Variants in MEF2B observed in about 807,000 individuals in gnomAD.
The protein encoded by MEF2B is myocyte enhancer factor 2B.
Under a neutral mutation model 32.2 loss-of-function variants are expected in MEF2B, and 15 were observed. The observed-to-expected ratio is 0.47, with a 90% CI of 0.31 to 0.72. The LOEUF (loss-of-function observed/expected upper bound fraction) is 0.72, where lower values mean the gene tolerates loss of function less well. Ranked by LOEUF, MEF2B falls within the 30% of genes least tolerant of loss-of-function variation. The pLI is 0.05. For synonymous variants in MEF2B, 205 were observed against 225.6 expected (o/e 0.91, Z 0.82); for missense variants, 441 against 511.5 (o/e 0.86, Z 1.33).
chr19:19,153,636 T>C (rs899195473), intron 1 of MEF2B, among the ~76,000 whole-genome samples: 2 of 152,088 alleles, frequency 1.3e-5, no homozygotes, highest in Non-Finnish European at 2.9e-5. Context: ...TTTGTATTTT[T>C]AGTAGAGACG....
intron 1 of MEF2B, among the ~76,000 whole-genome samples, chr19:19,154,544 A>G (rs962316203): frequency 2.6e-5 from 4 of 152,158 alleles, no homozygotes; most frequent in African/African-American, 9.7e-5. Flanking sequence ...CCCGGGTTCA[A>G]GCGATTCTCC....
chr19:19,150,649 T>C, intron 2 of MEF2B, 33 bp downstream of exon 2: 1 of 1,613,812 alleles, frequency 6.2e-7, no homozygotes, highest in South Asian at 1.1e-5. Context: ...TAGGAATGTC[T>C]TTCCCAGCCA....
chr19:19,162,865 G>A (rs947280914), intron 1 of MEF2B, among the ~76,000 whole-genome samples: 2 of 152,138 alleles, frequency 1.3e-5, no homozygotes, highest in Admixed American at 6.6e-5. Context: ...TCTGAGCCTC[G>A]GTTTCCTGTG....
In MEF2B at chr19:19,147,050, T is replaced by C; in HGVS notation, c.527A>G (p.Lys176Arg). 1 of 1,604,508 alleles carries C rather than the reference T, an allele frequency of 6.2e-7. No homozygotes were observed. Among genetic ancestry groups the C allele is most frequent in the East Asian group, 2.2e-5 (1 of 44,732 alleles). The change falls in exon 5 of 9, where the codon AAA (lysine) becomes AGA (arginine). Residue 176 changes from lysine to arginine, a missense_variant. Transcript: ENST00000424583. ...CCCATGCTCACCTGGGGGCCCGGCT[T>C]TGGGGGCTGCTGGTCGGAAGGGAGA... Reference protein sequence around the residue: ...RPSPFRPAAPKAGPPGLVHPL... With the variant: ...RPSPFRPAAPRAGPPGLVHPL...
intron 1 of MEF2B, among the ~76,000 whole-genome samples, chr19:19,168,331 T>A (rs1234484773): frequency 6.9e-6 from 1 of 145,760 alleles, no homozygotes; most frequent in Non-Finnish European, 1.5e-5. Context: ...TGGAGTGCAA[T>A]GACACGATCT....
At chr19:19,163,081 C>G (rs1023929964) in intron 1 of MEF2B, among the ~76,000 whole-genome samples, 1 of 152,204 alleles carries the variant, frequency 6.6e-6, no homozygotes, top group Non-Finnish European at 1.5e-5. Context: ...TAGGTTTGCC[C>G]AAGTCCAGGA....
chr19:19,149,624 G>A (rs944236237), intron 2 of MEF2B, among the ~76,000 whole-genome samples, 195 bp from the exon 3 acceptor site: 4 of 152,150 alleles, frequency 2.6e-5, no homozygotes, highest in African/African-American at 9.7e-5. Flanking sequence ...TCTGGGAAGT[G>A]TGCCTTGGCT....
intron 3 of MEF2B, among the ~76,000 whole-genome samples, chr19:19,148,407 G>A (rs1403115798): frequency 6.6e-6 from 1 of 152,184 alleles, no homozygotes; most frequent in African/African-American, 2.4e-5. Flanking sequence ...GGAGGTTGCG[G>A]TGAGCTGAAA....
Position 19,147,845 on chromosome 19 carries a change from G to A in MEF2B, c.259-13C>T. ...TCCGCTTCAGCGTCTATGGGGACAG[G>A]AGACAACAGGGTAGACCCTTACCCC... is the stretch of plus-strand genomic sequence containing the variant. On this transcript the variant is annotated splice_polypyrimidine_tract_variant and intron_variant, in intron 3 of 8. Coordinates refer to ENST00000424583, the MANE Select transcript of MEF2B (RefSeq NM_001145785.2). 6.2e-7 allele frequency: 1 copy of A among 1,612,076 alleles called. No individual in the cohort carries two copies. The highest frequency in any genetic ancestry group is 8.5e-7 in the Non-Finnish European group (1 of 1,179,592).
rs557274917 is a variant in MEF2B, at chr19:19,158,961, A to G, written c.-29-8197T>C. On this transcript the variant is annotated intron_variant, in intron 1 of 8. Coordinates refer to ENST00000424583, the MANE Select transcript of MEF2B (RefSeq NM_001145785.2). ...AAAGTTTTTTTTTCTTTTTTTTGAGACAGAGTTTTGCTCTTGTCGCCCAGG... is the reference window on the plus strand; with the variant it reads ...AAAGTTTTTTTTTCTTTTTTTTGAGGCAGAGTTTTGCTCTTGTCGCCCAGG... 1.2e-3 allele frequency among the ~76,000 whole-genome samples: 175 copies of G among 150,040 alleles called. 1 individual carries two copies. The highest frequency in any genetic ancestry group is 4.1e-3 in the African/African-American group (166 of 40,986).
chr19:19,151,583 C>T (rs1297602282), intron 1 of MEF2B, among the ~76,000 whole-genome samples: 8 of 152,134 alleles, frequency 5.3e-5, no homozygotes, highest in African/African-American at 9.7e-5. Flanking sequence ...GGGACGTCCC[C>T]GCTCCGCCAA....
At chr19:19,156,498 A>G (rs1034239176) in intron 1 of MEF2B, among the ~76,000 whole-genome samples, 1 of 152,170 alleles carries the variant, frequency 6.6e-6, no homozygotes, top group Non-Finnish European at 1.5e-5. Context: ...CTGTCTCTAA[A>G]AAAGAATAAT....
chr19:19,160,190 G>A (rs956454439), intron 1 of MEF2B, among the ~76,000 whole-genome samples: 1 of 151,810 alleles, frequency 6.6e-6, no homozygotes, highest in African/African-American at 2.4e-5. Context: ...GGCTGGTCTC[G>A]AACTCCTGAC....
chr19:19,161,147 A>G (rs2060158503), intron 1 of MEF2B, among the ~76,000 whole-genome samples: 1 of 152,040 alleles, frequency 6.6e-6, no homozygotes, highest in African/African-American at 2.4e-5. Context: ...GGTGCTTTAC[A>G]GATGCGGGGA....
In MEF2B at chr19:19,146,652, T is replaced by G. The variant is rs1444411256; in HGVS notation, c.676-4A>C. ...GCAGGCCACTGTAGAGGCTTCTCTGTGCGGAGAGAGGGTGAAGGGGAAACT... is the reference window on the plus strand; with the variant it reads ...GCAGGCCACTGTAGAGGCTTCTCTGGGCGGAGAGAGGGTGAAGGGGAAACT... On this transcript the variant is annotated splice_polypyrimidine_tract_variant and splice_region_variant and intron_variant, in intron 6 of 8. Coordinates refer to ENST00000424583, the MANE Select transcript of MEF2B (RefSeq NM_001145785.2). 6.2e-7 allele frequency: 1 copy of G among 1,613,326 alleles called. No homozygotes were observed. Among genetic ancestry groups the G allele is most frequent in the South Asian group, 1.1e-5 (1 of 91,074 alleles).
In MEF2B at chr19:19,145,742, A is replaced by G. The variant is rs1306104756; in HGVS notation, c.*55T>C. ...AGGCCTGGAGGGAGGTGGGGTCCCC[A>G]CGTGCCCTCGCCGTACCTGGCGAGC... On this transcript the variant is annotated 3_prime_UTR_variant, in exon 9 of 9. Coordinates refer to ENST00000424583, the MANE Select transcript of MEF2B (RefSeq NM_001145785.2). The surrounding 1 kb of genome is among the most constrained non-coding windows in gnomAD (Gnocchi z 4.6). 1.3e-6 allele frequency: 2 copies of G among 1,558,340 alleles called. No individual in the cohort carries two copies. Among genetic ancestry groups the G allele is most frequent in the South Asian group, 2.4e-5 (2 of 84,608 alleles).
intron 2 of MEF2B, among the ~76,000 whole-genome samples, chr19:19,150,183 GGAA>G (rs2060063605): frequency 1.3e-5 from 1 of 78,720 alleles, no homozygotes; most frequent in Non-Finnish European, 2.5e-5. Flanking sequence ...AGGGAGGGAG[GGAA>G]GGAAGGAAGG....
Position 19,145,751 on chromosome 19 carries a change from C to G in MEF2B, c.*46G>C. ...GGGAGGTGGGGTCCCCACGTGCCCT[C>G]GCCGTACCTGGCGAGCGCTCTGGGC... On this transcript the variant is annotated 3_prime_UTR_variant, in exon 9 of 9. Transcript: ENST00000424583. The surrounding 1 kb of genome is among the most constrained non-coding windows in gnomAD (Gnocchi z 4.6). 6.4e-7 allele frequency: 1 copy of G among 1,557,520 alleles called. No individual in the cohort carries two copies. Among genetic ancestry groups the G allele is most frequent in the Non-Finnish European group, 8.7e-7 (1 of 1,150,974 alleles).
intron 4 of MEF2B, 48 bp downstream of exon 4, chr19:19,147,650 T>A: frequency 6.3e-7 from 1 of 1,597,842 alleles, no homozygotes; most frequent in Non-Finnish European, 8.5e-7. Context: ...GACTTGGGCC[T>A]AGGAAGTAGG....
Sources: gnomAD v4.1 joint callset for allele counts (sites outside exome capture counted in the v4.1 genomes callset) on GRCh38, gnomAD v4.1.1 for gene constraint, Gnocchi (gnomAD v3.1) non-coding constraint, MANE v1.5 for transcripts, NCBI Gene and HGNC (gene_info 2026-07-23, HGNC 2026-07-21) for gene names.